The following OPTC variants were observed in gnomAD, a reference collection of about 807,000 sequenced individuals.
OPTC encodes the protein oculoglycan.
OPTC carries 22 observed loss-of-function variants against 25.4 expected under a neutral mutation model. The ratio of observed to expected loss-of-function variants is 0.87; its 90% CI spans 0.62 to 1.24. OPTC has a LOEUF of 1.24. OPTC is among the 50% of genes most tolerant of loss of function. OPTC has a pLI of 0.00. For synonymous variants in OPTC, 169 were observed against 179.3 expected, an observed-to-expected ratio of 0.94 and a Z score of 0.46; for missense variants, 417 against 425.2, an observed-to-expected ratio of 0.98 and a Z score of 0.17.
chr1:203,504,210 A>G (rs1356854979), intron 7 of OPTC, among the ~76,000 whole-genome samples: 1 of 152,252 alleles, frequency 6.6e-6, no homozygotes, highest in African/African-American at 2.4e-5. Flanking sequence ...ATTATGAAAA[A>G]TTAAATTATA....
chr1:203,502,843 C>A (rs772851632), intron 5 of OPTC, 71 bp from the exon 6 acceptor site: 27 of 1,185,562 alleles, frequency 2.3e-5, no homozygotes, highest in Non-Finnish European at 3.3e-5. Flanking sequence ...TGTCTCTGGT[C>A]TCATAGCCCT....
At position 203,498,781 on chromosome 1, in the gene OPTC, C is replaced by T. The variant is rs775698196; in HGVS notation, c.471C>T (p.Tyr157=). 1.9e-6 allele frequency: 3 copies of T among 1,614,096 alleles called. No homozygotes were observed. Among genetic ancestry groups the T allele is most frequent in the East Asian group, 2.2e-5 (1 of 44,880 alleles). Reference sequence around the variant, plus strand: ...CTCCTCTTCCTCGGAGGACTGCCTACCTGTATGCACGCTTCAACCGCATCA... The same window carrying T: ...CTCCTCTTCCTCGGAGGACTGCCTATCTGTATGCACGCTTCAACCGCATCA... ...DIPPLPRRTA[Y]LYARFNRISR... is the part of the protein sequence containing the mutation. The change falls in exon 4 of 8, where the codon TAC becomes TAT. Residue 157 remains tyrosine (Y), a synonymous_variant. Coordinates refer to ENST00000367222, the MANE Select transcript of OPTC (RefSeq NM_014359.4).
At chr1:203,494,779 G>T (rs1037408224) in intron 1 of OPTC, among the ~76,000 whole-genome samples, 1 of 152,190 alleles carries the variant, frequency 6.6e-6, no homozygotes, top group Non-Finnish European at 1.5e-5. Flanking sequence ...TATGACTGTT[G>T]TATACACTTA....
intron 3 of OPTC, among the ~76,000 whole-genome samples, chr1:203,497,417 C>T (rs1048939378): frequency 4.6e-5 from 7 of 152,282 alleles, no homozygotes; most frequent in East Asian, 1.9e-4. Flanking sequence ...AATAGCATGA[C>T]GGGGGAAGCA....
chr1:203,503,829 C>A, intron 7 of OPTC, 84 bp downstream of exon 7: 1 of 1,220,754 alleles, frequency 8.2e-7, no homozygotes, highest in Non-Finnish European at 1.2e-6. Context: ...ATCTTTAGCC[C>A]AGGCATTAAT....
At chr1:203,499,924 TACCTCC>T in intron 5 of OPTC, 73 bp downstream of exon 5, 1 of 1,165,450 alleles carries the variant, frequency 8.6e-7, no homozygotes, top group South Asian at 1.2e-5. Context: ...CTCCACCACC[TACCTCC>T]ACCACTCACC....
chr1:203,495,035 T>C (rs1168544928), intron 1 of OPTC, among the ~76,000 whole-genome samples: 1 of 152,276 alleles, frequency 6.6e-6, no homozygotes, highest in Non-Finnish European at 1.5e-5. Context: ...GTATATTTCA[T>C]AAACTAACAT....
In OPTC at chr1:203,497,147, C is replaced by T. The variant is rs774159572; in HGVS notation, c.370+32C>T. 4 of 1,612,874 alleles carry T rather than the reference C, an allele frequency of 2.5e-6. No homozygotes were observed. In the East Asian group the frequency reaches 8.9e-5, roughly 36 times the overall value. ...GCACAGTCACATGGTCGCAATATCC[C>T]TAGGTCATAGGCCAAGCAGCTATGA... On this transcript the variant is annotated intron_variant, in intron 3 of 7. Coordinates refer to ENST00000367222, the MANE Select transcript of OPTC (RefSeq NM_014359.4).
At chr1:203,502,800 T>A (rs778844483) in intron 5 of OPTC, 114 bp from the exon 6 acceptor site, 3 of 825,594 alleles carry the variant, frequency 3.6e-6, no homozygotes, top group Non-Finnish European at 6.2e-6. Context: ...TGGCTGAGGC[T>A]AAGTGAGCCC....
At position 203,498,685 on chromosome 1, in the gene OPTC, G is replaced by T. The variant is rs140765067; in HGVS notation, c.375G>T (p.Leu125=). The T allele has an allele frequency of 1.9e-6, 3 of 1,614,166 alleles. No homozygotes were observed. The African/African-American group carries it at 4.0e-5, about 22-fold the overall frequency. ...LLLSSQPNHG[L]PTCLVCVCLG... is the part of the protein sequence containing the mutation. ...TCTGTCTTCCACCTGGGCCAGGTCT[G>T]CCCACCTGCCTGGTCTGCGTGTGCC... is the stretch of plus-strand genomic sequence containing the variant. The change falls in exon 4 of 8, where the codon CTG becomes CTT. Residue 125 remains leucine, a synonymous_variant. Coordinates refer to ENST00000367222, the MANE Select transcript of OPTC (RefSeq NM_014359.4).
At chr1:203,498,184 A>G (rs905943686) in intron 3 of OPTC, among the ~76,000 whole-genome samples, 3 of 152,232 alleles carry the variant, frequency 2.0e-5, no homozygotes, top group African/African-American at 7.2e-5. Flanking sequence ...TGCTGATGCC[A>G]TAAGAAGGGG....
At chr1:203,503,170 A>G (rs559507092) in intron 6 of OPTC, among the ~76,000 whole-genome samples, 161 bp downstream of exon 6, 2 of 152,230 alleles carry the variant, frequency 1.3e-5, no homozygotes, top group African/African-American at 4.8e-5. Context: ...GTCTTGTCTA[A>G]ATAGTTGTCC....
chr1:203,505,412 G>A (rs910636387), intron 7 of OPTC, among the ~76,000 whole-genome samples: 1 of 152,196 alleles, frequency 6.6e-6, no homozygotes, highest in African/African-American at 2.4e-5. Flanking sequence ...GTGGGAGTTA[G>A]CCAGGCAATG....
intron 5 of OPTC, 116 bp from the exon 6 acceptor site, chr1:203,502,798 G>A (rs1661411184): frequency 2.5e-6 from 2 of 814,068 alleles, no homozygotes; most frequent in African/African-American, 3.3e-5. Flanking sequence ...CATGGCTGAG[G>A]CTAAGTGAGC....
intron 2 of OPTC, 60 bp from the exon 3 acceptor site, chr1:203,496,917 A>C: frequency 6.3e-7 from 1 of 1,598,706 alleles, no homozygotes; most frequent in East Asian, 2.2e-5. Flanking sequence ...CCCAGAGTCC[A>C]AAGTTAAGTC....
At position 203,495,958 on chromosome 1, in the gene OPTC, T is replaced by A; in HGVS notation, c.-41-7T>A. The A allele has an allele frequency of 7.2e-7, 1 of 1,388,842 alleles. No individual in the cohort carries two copies. The highest frequency in any genetic ancestry group is 1.0e-6 in the Non-Finnish European group (1 of 993,636). 86.0% of individuals were successfully genotyped at this position (1,388,842 alleles called of 1,614,324 possible). A position where few individuals can be genotyped will look rare whatever the true frequency, so the allele number is the denominator to read the frequency against. ...GATCGCTGCCCTTCCTCGTGCCCAC[T>A]TGCCAGGACCAGCCGCTGAAGGGAT... On this transcript the variant is annotated splice_region_variant and splice_polypyrimidine_tract_variant and intron_variant, in intron 1 of 7. Transcript: ENST00000367222.
At chr1:203,499,504 G>A in intron 4 of OPTC, 145 bp from the exon 5 acceptor site, 1 of 779,998 alleles carries the variant, frequency 1.3e-6, no homozygotes, top group Non-Finnish European at 2.3e-6. Flanking sequence ...TATTTCCTCT[G>A]GTTTGGGCCT....
chr1:203,503,003 C>A lies in OPTC; in HGVS notation c.822C>A (p.His274Gln). Residue 274 changes from histidine (H) to glutamine (Q), a missense_variant, in exon 6 of 8, where the codon CAC becomes CAA. By Grantham distance (24) the His-to-Gln change is conservative. Coordinates refer to ENST00000367222, the MANE Select transcript of OPTC (RefSeq NM_014359.4). ...TGCCCCTGAGCCTGCGCTCTGTACACCTGCAGGTAAGGAGCACCACCCAGA... is the reference window on the plus strand; with the variant it reads ...TGCCCCTGAGCCTGCGCTCTGTACAACTGCAGGTAAGGAGCACCACCCAGA... ...GPLPLSLRSV[H>Q]LQNNLIETMQ... 6.2e-7 allele frequency: 1 copy of A among 1,612,794 alleles called. No individual in the cohort carries two copies. The highest frequency in any genetic ancestry group is 1.1e-5 in the South Asian group (1 of 91,046).
intron 5 of OPTC, 72 bp from the exon 6 acceptor site, chr1:203,502,842 T>C (rs1661412077): frequency 8.6e-7 from 1 of 1,164,068 alleles, no homozygotes; most frequent in Non-Finnish European, 1.3e-6. Context: ...CTGTCTCTGG[T>C]CTCATAGCCC....
Sources: allele counts gnomAD v4.1 joint callset (sites outside exome capture counted in the v4.1 genomes callset), GRCh38; gene constraint gnomAD v4.1.1; transcripts MANE v1.5; gene names NCBI Gene and HGNC (gene_info 2026-07-23, HGNC 2026-07-21).